SPIRE1: variants seen among roughly 807,000 people sequenced by gnomAD.
SPIRE1 encodes the protein spire type actin nucleation factor 1.
A neutral mutation model predicts 94.1 loss-of-function variants in SPIRE1; 40 were observed. The observed-to-expected ratio is 0.43, with a 90% CI of 0.33 to 0.55. The LOEUF is 0.55. Among genes scored for constraint, SPIRE1 ranks in the 20% least tolerant of loss-of-function variants. The pLI is 0.06. For synonymous variants in SPIRE1, 376 were observed against 371.7 expected, an observed-to-expected ratio of 1.01 and a Z score of -0.13; for missense variants, 838 against 975.2, an observed-to-expected ratio of 0.86 and a Z score of 1.87.
intron 9 of SPIRE1, among the ~76,000 whole-genome samples, chr18:12,482,796 A>G (rs1799090032): frequency 6.6e-6 from 1 of 152,174 alleles, no homozygotes; most frequent in Admixed American, 6.5e-5. Flanking sequence ...AGACTACTGA[A>G]AGAAAACATC....
At chr18:12,549,441 T>G (rs2035277994) in intron 2 of SPIRE1, among the ~76,000 whole-genome samples, 4 of 48,200 alleles carry the variant, frequency 8.3e-5, no homozygotes, top group Non-Finnish European at 1.6e-4. Flanking sequence ...TTATTGTTGT[T>G]TTTTTTTTTT....
At chr18:12,564,580 T>C (rs527856044) in intron 2 of SPIRE1, among the ~76,000 whole-genome samples, 19 of 152,084 alleles carry the variant, frequency 1.2e-4, no homozygotes, top group Non-Finnish European at 2.2e-4. Context: ...CCTGGATCCA[T>C]ACAGATGAGA....
At chr18:12,580,336 T>G (rs533799921) in intron 2 of SPIRE1, among the ~76,000 whole-genome samples, 1 of 152,122 alleles carries the variant, frequency 6.6e-6, no homozygotes, top group Non-Finnish European at 1.5e-5. Context: ...TCTCTTTTTT[T>G]TTTGGGAGAT....
intron 2 of SPIRE1, among the ~76,000 whole-genome samples, chr18:12,556,480 G>T (rs550350170): frequency 9.9e-4 from 151 of 152,348 alleles, no homozygotes; most frequent in African/African-American, 3.5e-3. Context: ...GAATGAAGCT[G>T]CGGACCCTCA....
At chr18:12,582,985 A>G (rs1375297012) in intron 2 of SPIRE1, among the ~76,000 whole-genome samples, 1 of 152,164 alleles carries the variant, frequency 6.6e-6, no homozygotes, top group Non-Finnish European at 1.5e-5. Context: ...GAAGAGTGCA[A>G]CTCCTAAAGG....
chr18:12,602,028 A>AG (rs1231559357), intron 2 of SPIRE1, among the ~76,000 whole-genome samples: 1 of 152,170 alleles, frequency 6.6e-6, no homozygotes, highest in Non-Finnish European at 1.5e-5. Context: ...TTGGGTGACT[A>AG]GGGGTGCCAC....
At chr18:12,637,550 T>C (rs1239042617) in intron 1 of SPIRE1, among the ~76,000 whole-genome samples, 1 of 152,176 alleles carries the variant, frequency 6.6e-6, no homozygotes, top group Non-Finnish European at 1.5e-5. Flanking sequence ...CTGGGAGTCA[T>C]GACTTACACT....
chr18:12,624,241 A>G (rs1183646101), intron 2 of SPIRE1, among the ~76,000 whole-genome samples: 1 of 57,994 alleles, frequency 1.7e-5, no homozygotes, highest in African/African-American at 4.6e-5. Context: ...AATTATTAAA[A>G]AAAAAAAAAC....
intron 4 of SPIRE1, among the ~76,000 whole-genome samples, chr18:12,530,237 AC>A (rs1184432165): frequency 6.6e-6 from 1 of 152,200 alleles, no homozygotes; most frequent in Non-Finnish European, 1.5e-5. Context: ...TTTGCCTACA[AC>A]GTAAGACTAA....
intron 2 of SPIRE1, among the ~76,000 whole-genome samples, chr18:12,622,456 T>C (rs2037500949): frequency 7.1e-6 from 1 of 140,796 alleles, no homozygotes; most frequent in African/African-American, 2.6e-5. Context: ...AGAGTCTTGC[T>C]CTGTCGCCCA....
intron 3 of SPIRE1, among the ~76,000 whole-genome samples, chr18:12,543,970 G>T (rs899531689): frequency 6.6e-6 from 1 of 152,058 alleles, no homozygotes; most frequent in Non-Finnish European, 1.5e-5. Flanking sequence ...TAAAATTTCC[G>T]TTTACTTGTA....
intron 16 of SPIRE1, 113 bp downstream of exon 16, chr18:12,452,142 C>A (rs1178196056): frequency 3.8e-6 from 5 of 1,330,800 alleles, no homozygotes; most frequent in Non-Finnish European, 4.1e-6. Context: ...TAAAACCAAC[C>A]AACAAACCAA....
chr18:12,485,106 C>CT (rs71371264), intron 9 of SPIRE1, among the ~76,000 whole-genome samples: 83,289 of 133,878 alleles, frequency 0.62, 28,539 homozygotes, highest in East Asian at 0.78. Flanking sequence ...TTTTTATACT[C>CT]TTTTTTTTTT....
intron 2 of SPIRE1, among the ~76,000 whole-genome samples, chr18:12,615,047 C>T (rs2037246487): frequency 6.7e-6 from 1 of 149,352 alleles, no homozygotes; most frequent in South Asian, 2.1e-4. Flanking sequence ...AAAATTGGCT[C>T]GGAGCGGTAG....
chr18:12,470,997 C>G (rs2032336556), intron 10 of SPIRE1, among the ~76,000 whole-genome samples: 1 of 151,266 alleles, frequency 6.6e-6, no homozygotes, highest in African/African-American at 2.4e-5. Flanking sequence ...GAATGGAAAT[C>G]TTCCTCCTCC....
At chr18:12,450,275 C>T (rs537120309) in intron 16 of SPIRE1, among the ~76,000 whole-genome samples, 68 of 152,030 alleles carry the variant, frequency 4.5e-4, no homozygotes, top group African/African-American at 1.6e-3. Flanking sequence ...GGGAGAATCG[C>T]TTGAACCCGG....
At chr18:12,570,915 TG>T (rs1294709245) in intron 2 of SPIRE1, among the ~76,000 whole-genome samples, 5 of 152,158 alleles carry the variant, frequency 3.3e-5, no homozygotes, top group South Asian at 4.1e-4. Flanking sequence ...ATCAACCCTT[TG>T]GGTTTACAGT....
intron 9 of SPIRE1, among the ~76,000 whole-genome samples, chr18:12,485,003 T>TCC (rs2032982119): frequency 1.3e-5 from 2 of 152,132 alleles, no homozygotes; most frequent in African/African-American, 4.8e-5. Flanking sequence ...ATTTCACTAT[T>TCC]AATCTCTGTT....
intron 6 of SPIRE1, among the ~76,000 whole-genome samples, chr18:12,506,011 C>T (rs1332524684): frequency 6.6e-6 from 1 of 152,096 alleles, no homozygotes; most frequent in Non-Finnish European, 1.5e-5. Flanking sequence ...TTGTAACTTT[C>T]CTTCTTTAAG....
Sources: gnomAD v4.1 joint callset for allele counts (sites outside exome capture counted in the v4.1 genomes callset) on GRCh38, gnomAD v4.1.1 for gene constraint, MANE v1.5 for transcripts, NCBI Gene and HGNC (gene_info 2026-07-23, HGNC 2026-07-21) for gene names.